Variants in GLIS3 observed in about 807,000 individuals in gnomAD.
GLIS3 encodes zinc finger protein GLIS3.
A neutral mutation model predicts 78.6 loss-of-function variants in GLIS3; 53 were observed. The ratio of observed to expected loss-of-function variants is 0.67; its 90% CI spans 0.54 to 0.85. The LOEUF is 0.85. GLIS3 is among the 40% of genes least tolerant of loss of function. The pLI is 0.00. For missense variants in GLIS3, 1,703 were observed against 1,231.1 expected (o/e 1.38, Z -5.74); for synonymous variants, 684 against 509.9 (o/e 1.34, Z -4.60).
At chr9:3,929,434 G>C (rs1825477367) in intron 6 of GLIS3, among the ~76,000 whole-genome samples, 1 of 152,024 alleles carries the variant, frequency 6.6e-6, no homozygotes, top group South Asian at 2.1e-4. Flanking sequence ...CGACAGGTGT[G>C]GGAAAGGGCC....
intron 2 of GLIS3, among the ~76,000 whole-genome samples, chr9:4,241,330 G>GAT (rs1005301698): frequency 4.6e-5 from 7 of 152,190 alleles, no homozygotes. Flanking sequence ...ATACAAGGCA[G>GAT]AGAGGTTGAT....
chr9:4,025,400 G>C (rs947651111), intron 4 of GLIS3, among the ~76,000 whole-genome samples: 6 of 152,068 alleles, frequency 3.9e-5, no homozygotes, highest in African/African-American at 1.4e-4. Flanking sequence ...TTGCTTGTTT[G>C]TTTTTTGAGA....
At chr9:3,828,916 G>T (rs1007833217) in intron 10 of GLIS3, among the ~76,000 whole-genome samples, 4 of 152,200 alleles carry the variant, frequency 2.6e-5, no homozygotes, top group African/African-American at 9.7e-5. Context: ...TGCCATGCTG[G>T]AGAGTCGAAT....
intron 4 of GLIS3, among the ~76,000 whole-genome samples, chr9:4,085,329 T>G (rs1422835976): frequency 6.6e-6 from 1 of 152,152 alleles, no homozygotes; most frequent in East Asian, 1.9e-4. Flanking sequence ...TTTCTTCTCA[T>G]TTCTTACTCT....
At chr9:4,474,891 G>A in the GLIS3 span, among the ~76,000 whole-genome samples, 3 of 151,490 alleles carry the variant, frequency 2.0e-5, no homozygotes, top group East Asian at 1.9e-4. Flanking sequence ...TTACAGAGAC[G>A]GGGGCTCCCT....
At chr9:4,040,968 T>G (rs747572266) in intron 4 of GLIS3, among the ~76,000 whole-genome samples, 13 of 152,150 alleles carry the variant, frequency 8.5e-5, no homozygotes, top group Non-Finnish European at 1.6e-4. Context: ...GGAGAAAGAT[T>G]TCTTTCTCAA....
chr9:4,133,792 C>G (rs962067157), intron 2 of GLIS3, among the ~76,000 whole-genome samples: 2 of 150,916 alleles, frequency 1.3e-5, no homozygotes, highest in African/African-American at 4.9e-5. Context: ...TGCCCAGAAA[C>G]AGCATGCTGA....
At chr9:4,018,455 T>A (rs906860214) in intron 4 of GLIS3, among the ~76,000 whole-genome samples, 1 of 152,160 alleles carries the variant, frequency 6.6e-6, no homozygotes, top group African/African-American at 2.4e-5. Flanking sequence ...AAGGAACACT[T>A]GGGGTGTACT....
At chr9:4,431,493 T>C in the GLIS3 span, among the ~76,000 whole-genome samples, 1 of 152,144 alleles carries the variant, frequency 6.6e-6, no homozygotes, top group African/African-American at 2.4e-5. Flanking sequence ...GTCGGGATCT[T>C]TTCATCCTGT....
the GLIS3 span, among the ~76,000 whole-genome samples, chr9:4,371,408 A>G: frequency 1.3e-5 from 2 of 152,306 alleles, no homozygotes; most frequent in South Asian, 4.1e-4. Flanking sequence ...CCTCCTCCCC[A>G]TAAGTGCTAA....
At chr9:3,967,687 A>G (rs1308935603) in intron 4 of GLIS3, among the ~76,000 whole-genome samples, 2 of 152,200 alleles carry the variant, frequency 1.3e-5, no homozygotes, top group Non-Finnish European at 2.9e-5. Flanking sequence ...TTACAGTTAC[A>G]TGAAGTGACC....
chr9:4,192,747 C>T (rs1054808211), intron 2 of GLIS3, among the ~76,000 whole-genome samples: 1 of 151,414 alleles, frequency 6.6e-6, no homozygotes, highest in Non-Finnish European at 1.5e-5. Context: ...ATGGTTGTTC[C>T]GTGTCTCACT....
chr9:3,859,902 T>C (rs1435686997), intron 8 of GLIS3, among the ~76,000 whole-genome samples: 1 of 152,066 alleles, frequency 6.6e-6, no homozygotes, highest in Non-Finnish European at 1.5e-5. Flanking sequence ...GTAGAGGAGT[T>C]TGTATAACCC....
intron 2 of GLIS3, among the ~76,000 whole-genome samples, chr9:4,141,088 C>A (rs1012072907): frequency 6.6e-6 from 1 of 152,208 alleles, no homozygotes; most frequent in Non-Finnish European, 1.5e-5. Flanking sequence ...GTGTGAGCCA[C>A]CGTGCCTGGC....
At chr9:4,268,039 A>ACGTG (rs1275372626) in intron 2 of GLIS3, among the ~76,000 whole-genome samples, 7 of 152,084 alleles carry the variant, frequency 4.6e-5, no homozygotes, top group Non-Finnish European at 1.0e-4. Context: ...GTGCATACAC[A>ACGTG]CGTGCGTGCG....
chr9:4,180,492 A>G (rs900384088), intron 2 of GLIS3, among the ~76,000 whole-genome samples: 1 of 152,174 alleles, frequency 6.6e-6, no homozygotes, highest in Non-Finnish European at 1.5e-5. Flanking sequence ...GGATTAAATG[A>G]AACACCCTTT....
At chr9:3,895,433 A>T (rs550168659) in intron 7 of GLIS3, among the ~76,000 whole-genome samples, 5 of 152,342 alleles carry the variant, frequency 3.3e-5, no homozygotes, top group African/African-American at 7.2e-5. Context: ...TGAGCTCAGG[A>T]GCAGGCTTGG....
chr9:4,279,688 G>A (rs897681847), intron 2 of GLIS3, among the ~76,000 whole-genome samples: 1 of 47,106 alleles, frequency 2.1e-5, no homozygotes, highest in African/African-American at 8.7e-5. Context: ...ATTAGAGCTT[G>A]TTTGGTCAGT....
chr9:3,917,685 G>C (rs702266), intron 6 of GLIS3, among the ~76,000 whole-genome samples: 1 of 151,590 alleles, frequency 6.6e-6, no homozygotes, highest in Non-Finnish European at 1.5e-5. Flanking sequence ...TTATTCCCCA[G>C]GGCCCCACTG....
Sources: gnomAD v4.1 joint callset for allele counts (sites outside exome capture counted in the v4.1 genomes callset) on GRCh38, gnomAD v4.1.1 for gene constraint, MANE v1.5 for transcripts, NCBI Gene and HGNC (gene_info 2026-07-23, HGNC 2026-07-21) for gene names.